SMS: variants seen among roughly 807,000 people sequenced by gnomAD.
SMS encodes the protein spermidine aminopropyltransferase.
SMS carries 3 observed loss-of-function variants against 33.0 expected under a neutral mutation model. The ratio of observed to expected loss-of-function variants is 0.09; its 90% confidence interval spans 0.04 to 0.23. The LOEUF (loss-of-function observed/expected upper bound fraction) is 0.23, where lower values mean the gene tolerates loss of function less well. SMS is among the 10% of genes least tolerant of loss of function. The pLI is 1.00. For synonymous variants in SMS, 103 were observed against 112.2 expected, an observed-to-expected ratio of 0.92 and a Z score of 0.52; for missense variants, 117 against 288.6, an observed-to-expected ratio of 0.41 and a Z score of 4.31.
At chrX:21,991,097 G>A (rs1233205410) in intron 9 of SMS, among the ~76,000 whole-genome samples, 2 of 112,572 alleles carry the variant, frequency 1.8e-5, no homozygotes, top group Admixed American at 1.9e-4. Flanking sequence ...ATTCTCAGGA[G>A]TTCTTACATC....
chrX:21,962,837 G>A (rs1233786466), intron 1 of SMS, among the ~76,000 whole-genome samples: 1 of 109,905 alleles, frequency 9.1e-6, no homozygotes, highest in African/African-American at 3.3e-5. Flanking sequence ...TGTATTTTTG[G>A]TAGAGACAGA....
intron 9 of SMS, among the ~76,000 whole-genome samples, chrX:21,990,891 T>C (rs781017571): frequency 8.9e-6 from 1 of 112,524 alleles, no homozygotes; most frequent in East Asian, 2.8e-4. Context: ...TGAAACCAAA[T>C]TACATGCTGG....
At chrX:21,958,361 C>T (rs1349928076) in intron 1 of SMS, among the ~76,000 whole-genome samples, 1 of 112,488 alleles carries the variant, frequency 8.9e-6, no homozygotes, top group Non-Finnish European at 1.9e-5. Context: ...AAACCAACTT[C>T]TGAGTCTTCT....
At chrX:21,993,957 TCTCCCG>T (rs1925926331) in intron 10 of SMS, among the ~76,000 whole-genome samples, 1 of 107,002 alleles carries the variant, frequency 9.3e-6, no homozygotes, top group Admixed American at 1.0e-4. Flanking sequence ...CTCCCTTGTA[TCTCCCG>T]CTACCCTAAC....
At chrX:21,981,619 A>G (rs776746387) in intron 7 of SMS, among the ~76,000 whole-genome samples, 34 of 112,059 alleles carry the variant, frequency 3.0e-4, no homozygotes, top group Non-Finnish European at 5.6e-4. Flanking sequence ...CACTGCTAAT[A>G]TGGTCTAAGA....
chrX:21,958,225 T>C (rs1923105532), intron 1 of SMS, among the ~76,000 whole-genome samples: 1 of 112,480 alleles, frequency 8.9e-6, no homozygotes, highest in Non-Finnish European at 1.9e-5. Context: ...GTTATCGTTA[T>C]CTTCTAGAAT....
At chrX:21,971,326 G>A in intron 2 of SMS, among the ~76,000 whole-genome samples, 1 of 110,488 alleles carries the variant, frequency 9.1e-6, no homozygotes, top group Non-Finnish European at 1.9e-5. Flanking sequence ...TTTGTGTAAA[G>A]GTTGCTGTCA....
chrX:21,975,675 A>G (rs1399871071), intron 4 of SMS, among the ~76,000 whole-genome samples: 2 of 111,270 alleles, frequency 1.8e-5, no homozygotes, highest in East Asian at 2.8e-4. Context: ...AATGCCTCAC[A>G]TTCTGAAAGC....
intron 5 of SMS, 83 bp from the exon 6 acceptor site, chrX:21,977,877 G>A (rs1482563495): frequency 1.7e-5 from 16 of 957,553 alleles, no homozygotes; most frequent in Non-Finnish European, 2.4e-5. Flanking sequence ...TTTTGGTCTA[G>A]ATCCCAGCTC....
At chrX:21,952,974 G>C (rs1311588366) in intron 1 of SMS, among the ~76,000 whole-genome samples, 1 of 107,533 alleles carries the variant, frequency 9.3e-6, no homozygotes. Flanking sequence ...TGTTGCCCAG[G>C]CTGGTCTCAA....
chrX:21,950,010 C>T (rs1179139488), intron 1 of SMS, among the ~76,000 whole-genome samples: 2 of 110,802 alleles, frequency 1.8e-5, no homozygotes, highest in East Asian at 5.6e-4. Flanking sequence ...GGATATTCAA[C>T]GTGTATTTTC....
At chrX:21,983,350 C>CT (rs969445736) in intron 7 of SMS, among the ~76,000 whole-genome samples, 2 of 110,875 alleles carry the variant, frequency 1.8e-5, no homozygotes, top group African/African-American at 6.5e-5. Context: ...CTGGCAAACT[C>CT]TTAAACTCTT....
chrX:21,964,062 ATTTT>A (rs372817561), intron 1 of SMS, among the ~76,000 whole-genome samples: 1 of 95,021 alleles, frequency 1.1e-5, no homozygotes, highest in Non-Finnish European at 2.1e-5. Context: ...TTGAAATCAG[ATTTT>A]TTTTTTTTTT....
chrX:21,957,235 G>A (rs1301017503), intron 1 of SMS, among the ~76,000 whole-genome samples: 2 of 108,101 alleles, frequency 1.9e-5, no homozygotes, highest in Admixed American at 2.0e-4. Context: ...TTAGTCACCT[G>A]ACACATAATC....
chrX:21,994,006 C>T (rs1423069126), intron 10 of SMS, among the ~76,000 whole-genome samples: 1 of 108,291 alleles, frequency 9.2e-6, no homozygotes, highest in Admixed American at 1.0e-4. Context: ...CCCTTCCTTC[C>T]TTTCCTTCTC....
chrX:21,970,632 G>A (rs1027225779), intron 2 of SMS, among the ~76,000 whole-genome samples: 3 of 109,857 alleles, frequency 2.7e-5, no homozygotes, highest in Non-Finnish European at 5.7e-5. Context: ...GCAGTGGTGC[G>A]ATCATGGCTC....
At chrX:21,982,904 A>G (rs1208136108) in intron 7 of SMS, among the ~76,000 whole-genome samples, 1 of 112,519 alleles carries the variant, frequency 8.9e-6, no homozygotes, top group Non-Finnish European at 1.9e-5. Context: ...TTGGACTTGT[A>G]TGATGCATTG....
chrX:21,982,793 A>G lies in SMS; in HGVS notation c.751-1511A>G, dbSNP rs753236872. Among the ~76,000 whole-genome samples the G allele has an allele frequency of 8.9e-5, 10 of 112,597 alleles. No homozygotes were observed. In the East Asian group the frequency reaches 1.4e-3, roughly 16 times the overall value. On this transcript the variant is annotated intron_variant, in intron 7 of 10. Transcript: ENST00000404933. ...GTGTTTGTGTGCAAGTATTCGTAAG[A>G]ATCTGTGTGAACGTATGGAAAAAAT...
At chrX:21,988,557 C>T (rs1233755759) in intron 9 of SMS, among the ~76,000 whole-genome samples, 2 of 107,416 alleles carry the variant, frequency 1.9e-5, no homozygotes, top group Non-Finnish European at 3.8e-5. Flanking sequence ...CCCAGCTACT[C>T]GGGAGGCTGA....
Sources: allele counts gnomAD v4.1 joint callset (sites outside exome capture counted in the v4.1 genomes callset), GRCh38; gene constraint gnomAD v4.1.1; transcripts MANE v1.5; gene names NCBI Gene and HGNC (gene_info 2026-07-23, HGNC 2026-07-21).